The following HDAC4 variants were observed in gnomAD, a reference collection of about 807,000 sequenced individuals.
HDAC4 encodes the protein histone deacetylase A.
Under a neutral mutation model 135.1 loss-of-function variants are expected in HDAC4, and 16 were observed. The ratio of observed to expected loss-of-function variants is 0.12; its 90% confidence interval spans 0.08 to 0.18. HDAC4 has a LOEUF of 0.18. Ranked by LOEUF, HDAC4 falls within the 10% of genes least tolerant of loss-of-function variation. HDAC4 has a pLI of 1.00. For missense variants in HDAC4, 1,143 were observed against 1,511.8 expected (o/e 0.76, Z 4.05); for synonymous variants, 685 against 653.4 (o/e 1.05, Z -0.74).
chr2:239,249,172 G>A (rs2048636124), intron 2 of HDAC4, among the ~76,000 whole-genome samples: 1 of 152,216 alleles, frequency 6.6e-6, no homozygotes, highest in Non-Finnish European at 1.5e-5. Flanking sequence ...GAGGTGGAGG[G>A]AACAGCAAGG....
chr2:239,284,466 T>G (rs2051017550), intron 2 of HDAC4, among the ~76,000 whole-genome samples: 1 of 152,086 alleles, frequency 6.6e-6, no homozygotes, highest in African/African-American at 2.4e-5. Flanking sequence ...CCCTGAGGAA[T>G]GGGGGCAGGT....
rs949386341 is a variant in HDAC4, at chr2:239,051,110, C to T, written c.*1987G>A. 1.3e-5 allele frequency: 2 copies of T among 152,590 alleles called. No homozygotes were observed. The highest frequency in any genetic ancestry group is 2.9e-5 in the Non-Finnish European group (2 of 68,024). 9.5% of individuals were successfully genotyped at this position (152,590 alleles called of 1,614,324 possible). On this transcript the variant is annotated 3_prime_UTR_variant, in exon 27 of 27. Coordinates refer to ENST00000543185, the MANE Select transcript of HDAC4 (RefSeq NM_001378414.1). ...ATGAGTTTCATTAATGCTGACTGCC[C>T]CCGGCATCTGGCAAGCCTCCCAGGG...
chr2:239,277,012 G>A (rs2050409357), intron 2 of HDAC4, among the ~76,000 whole-genome samples: 1 of 152,014 alleles, frequency 6.6e-6, no homozygotes, highest in Non-Finnish European at 1.5e-5. Context: ...CCTTTCCACT[G>A]CCGCGCCCTC....
chr2:239,268,888 G>T (rs1451888356), intron 2 of HDAC4, among the ~76,000 whole-genome samples: 1 of 152,188 alleles, frequency 6.6e-6, no homozygotes, highest in Non-Finnish European at 1.5e-5. Flanking sequence ...CCACAAAATG[G>T]AAAGAAACAA....
chr2:239,224,995 T>C (rs549456041), intron 3 of HDAC4, among the ~76,000 whole-genome samples: 13 of 152,296 alleles, frequency 8.5e-5, no homozygotes, highest in Admixed American at 7.2e-4. Flanking sequence ...AAAGCAAGTC[T>C]CAGTAAAATT....
intron 2 of HDAC4, among the ~76,000 whole-genome samples, chr2:239,274,566 C>G (rs930074452): frequency 6.6e-6 from 1 of 152,240 alleles, no homozygotes; most frequent in Non-Finnish European, 1.5e-5. Context: ...AACAACAATA[C>G]AAGTAACCTT....
At position 239,233,215 on chromosome 2, in the gene HDAC4, A is replaced by T. The variant is rs149187861; in HGVS notation, c.94+3378T>A. ...AAGAAAGAGAACAAAGTCTACAGAT[A>T]AAAAGTTATGAGGGAAGTTGAAGAA... is the stretch of plus-strand genomic sequence containing the variant. On this transcript the variant is annotated intron_variant, in intron 3 of 26. Coordinates refer to ENST00000543185, the MANE Select transcript of HDAC4 (RefSeq NM_001378414.1). Among the ~76,000 whole-genome samples, 50 of 152,372 alleles carry T rather than the reference A, an allele frequency of 3.3e-4. 1 individual carries two copies. In the East Asian group the frequency reaches 5.0e-3, roughly 15 times the overall value.
At chr2:239,116,761 C>T (rs986919762) in intron 12 of HDAC4, among the ~76,000 whole-genome samples, 5 of 152,228 alleles carry the variant, frequency 3.3e-5, no homozygotes, top group Admixed American at 1.3e-4. Flanking sequence ...ACCCTGCTCC[C>T]GACCACGCCG....
chr2:239,172,086 T>C (rs1414257139), intron 5 of HDAC4, among the ~76,000 whole-genome samples: 2 of 152,182 alleles, frequency 1.3e-5, no homozygotes, highest in Middle Eastern at 3.4e-3. Flanking sequence ...CAACAATGTC[T>C]TGTGATGTTA....
intron 16 of HDAC4, among the ~76,000 whole-genome samples, chr2:239,101,845 C>T (rs901290144): frequency 4.8e-5 from 7 of 146,794 alleles, no homozygotes; most frequent in East Asian, 4.1e-4. Context: ...CCCCCGGCCC[C>T]GGGTCCGGGT....
At chr2:239,158,600 C>A (rs535647973) in intron 6 of HDAC4, among the ~76,000 whole-genome samples, 1 of 152,156 alleles carries the variant, frequency 6.6e-6, no homozygotes, top group South Asian at 2.1e-4. Context: ...GCCCTGCCCC[C>A]CAACTGCCAG....
rs957548853 is a variant in HDAC4 at position 239,385,976 on chromosome 2, G to C, written c.-220+15002C>G. 4.6e-5 allele frequency among the ~76,000 whole-genome samples: 7 copies of C among 152,320 alleles called. No homozygotes were observed. The East Asian group carries it at 1.4e-3, about 29-fold the overall frequency. On this transcript the variant is annotated intron_variant, in intron 1 of 26. Coordinates refer to ENST00000543185, the MANE Select transcript of HDAC4 (RefSeq NM_001378414.1). ...GAAAGCTCAGGTGTGCCCTAAACAA[G>C]GGCTAAACAATGTGGCCAGACCCAA...
At chr2:239,200,986 T>A (rs1575391507) in intron 3 of HDAC4, among the ~76,000 whole-genome samples, 2 of 152,164 alleles carry the variant, frequency 1.3e-5, no homozygotes, top group African/African-American at 4.8e-5. Context: ...CACAGGAAAC[T>A]TCCCCTGCCT....
At chr2:239,230,472 G>A (rs2047487435) in intron 3 of HDAC4, among the ~76,000 whole-genome samples, 1 of 151,552 alleles carries the variant, frequency 6.6e-6, no homozygotes, top group South Asian at 2.1e-4. Flanking sequence ...CCGAGTCCGT[G>A]GGCCGGAGGG....
At chr2:239,053,895 G>A (rs552337822) in intron 25 of HDAC4, among the ~76,000 whole-genome samples, 86 of 152,190 alleles carry the variant, frequency 5.7e-4, no homozygotes, top group Non-Finnish European at 7.1e-4. Flanking sequence ...CCACGCTCAC[G>A]GGCCCCTTTC....
intron 2 of HDAC4, among the ~76,000 whole-genome samples, chr2:239,340,312 G>A (rs1230899003): frequency 1.3e-5 from 2 of 152,146 alleles, no homozygotes; most frequent in Non-Finnish European, 2.9e-5. Context: ...GAGGACTGGC[G>A]AAGAACAAAA....
chr2:239,350,291 C>A (rs1195906358), intron 2 of HDAC4, among the ~76,000 whole-genome samples: 1 of 151,490 alleles, frequency 6.6e-6, no homozygotes, highest in African/African-American at 2.4e-5. Flanking sequence ...AAACACTGAA[C>A]TATATAAAGC....
intron 7 of HDAC4, among the ~76,000 whole-genome samples, chr2:239,145,592 A>G (rs1031534413): frequency 1.4e-4 from 21 of 152,386 alleles, no homozygotes; most frequent in African/African-American, 5.0e-4. Flanking sequence ...TTCAGAGTCC[A>G]GAACAGAGCC....
rs116061255 is a variant in HDAC4, at chr2:239,379,953, G to A, written c.-220+21025C>T. Reference sequence around the variant, plus strand: ...TGGCTGCGGGGTGACTCGGGGGGAAGCGGATGCAGACTGCAGGCTCCATCT... The same window carrying A: ...TGGCTGCGGGGTGACTCGGGGGGAAACGGATGCAGACTGCAGGCTCCATCT... On this transcript the variant is annotated intron_variant, in intron 1 of 26. Transcript: ENST00000543185. Among the ~76,000 whole-genome samples, 519 of 152,370 alleles carry A rather than the reference G, an allele frequency of 3.4e-3. 3 individuals are homozygous for A. Among genetic ancestry groups the A allele is most frequent in the African/African-American group, 0.012 (501 of 41,596 alleles).
Sources: allele counts gnomAD v4.1 joint callset (sites outside exome capture counted in the v4.1 genomes callset), GRCh38; gene constraint gnomAD v4.1.1; transcripts MANE v1.5; gene names NCBI Gene and HGNC (gene_info 2026-07-23, HGNC 2026-07-21).